Variants in PLEKHH2 observed in about 807,000 individuals in gnomAD.
The protein encoded by PLEKHH2 is pleckstrin homology, MyTH4 and FERM domain containing H2, also known as pleckstrin homology domain-containing family H member 2.
In PLEKHH2, 129 loss-of-function variants were observed where a neutral mutation model predicts 187.9. That is an observed-to-expected ratio of 0.69 (90% CI 0.59 to 0.79). The LOEUF (loss-of-function observed/expected upper bound fraction) is 0.79, where lower values mean the gene tolerates loss of function less well. Among genes scored for constraint, PLEKHH2 ranks in the 30% least tolerant of loss-of-function variants. The probability of loss-of-function intolerance (pLI) is 0.00; values close to 1 mark genes in which losing one functional copy is unlikely to be tolerated. For missense variants in PLEKHH2, 2,076 were observed against 1,751.2 expected, an observed-to-expected ratio of 1.19 and a Z score of -3.31; for synonymous variants, 686 against 605.6, an observed-to-expected ratio of 1.13 and a Z score of -1.95.
intron 15 of PLEKHH2, among the ~76,000 whole-genome samples, chr2:43,715,295 A>G (rs1670161571): frequency 6.6e-6 from 1 of 152,140 alleles, no homozygotes. Context: ...AAAAAAGAAA[A>G]AAAAAATCTC....
Position 43,743,996 on chromosome 2 carries a change from C to G in PLEKHH2, c.3555+7C>G. ...TCTTCAAGGAAACATCAAGGTGAAA[C>G]CAAGTCCTTTTCAGGAGCCAAGCCC... is the stretch of plus-strand genomic sequence containing the variant. On this transcript the variant is annotated splice_region_variant and intron_variant, in intron 23 of 29. Coordinates refer to ENST00000282406, the MANE Select transcript of PLEKHH2 (RefSeq NM_172069.4). 1.9e-6 allele frequency: 3 copies of G among 1,609,870 alleles called. No individual in the cohort carries two copies. Among genetic ancestry groups the G allele is most frequent in the South Asian group, 1.1e-5 (1 of 90,420 alleles).
intron 8 of PLEKHH2, among the ~76,000 whole-genome samples, chr2:43,703,574 T>C (rs1005065010): frequency 1.3e-5 from 2 of 152,206 alleles, no homozygotes; most frequent in South Asian, 2.1e-4. Context: ...TAATCAATGA[T>C]TGAGAATGGT....
Position 43,700,023 on chromosome 2 carries a change from G to C in PLEKHH2, c.1065G>C (p.Gln355His), listed in dbSNP as rs757015359. Residue 355 changes from glutamine (Q) to histidine (H), a missense_variant, in exon 8 of 30, where the codon CAG (glutamine) becomes CAC (histidine). Physicochemically the swap from Gln to His is conservative, Grantham distance 24 (BLOSUM62 0). Coordinates refer to ENST00000282406, the MANE Select transcript of PLEKHH2 (RefSeq NM_172069.4). ...RPEHKKLYSW[Q>H]QEAQWKALNS... ...AACACAAGAAGCTATATTCTTGGCA[G>C]CAGGAGGCACAGTGGAAAGCTCTAA... 5 of 1,614,056 alleles carry C rather than the reference G, an allele frequency of 3.1e-6. No individual in the cohort carries two copies. In the African/African-American group the frequency reaches 5.3e-5, roughly 17 times the overall value.
chr2:43,748,643 G>C (rs1401069672), intron 24 of PLEKHH2, among the ~76,000 whole-genome samples: 1 of 152,236 alleles, frequency 6.6e-6, no homozygotes, highest in Non-Finnish European at 1.5e-5. Context: ...GTTTTGAGAA[G>C]CACTGACCTA....
chr2:43,751,261 C>T (rs561192481), intron 24 of PLEKHH2, among the ~76,000 whole-genome samples: 33 of 152,300 alleles, frequency 2.2e-4, no homozygotes, highest in Non-Finnish European at 4.1e-4. Flanking sequence ...AGAGTGGTGA[C>T]TTCTGAGCAG....
intron 3 of PLEKHH2, chr2:43,681,019 C>T: frequency 7.9e-7 from 1 of 1,269,956 alleles, no homozygotes; most frequent in Non-Finnish European, 1.1e-6. Flanking sequence ...TCACCTGTTC[C>T]CTCAGAATGC....
chr2:43,710,407 TA>T, intron 13 of PLEKHH2, 77 bp downstream of exon 13: 1 of 1,580,228 alleles, frequency 6.3e-7, no homozygotes, highest in Non-Finnish European at 8.6e-7. Flanking sequence ...TTCCTTCCCA[TA>T]ATGCAAGTAA....
chr2:43,677,482 A>C (rs1179405556), intron 2 of PLEKHH2, among the ~76,000 whole-genome samples: 1 of 152,136 alleles, frequency 6.6e-6, no homozygotes, highest in Non-Finnish European at 1.5e-5. Flanking sequence ...CTGAGTGGAC[A>C]CAGCACATGT....
intron 2 of PLEKHH2, among the ~76,000 whole-genome samples, chr2:43,650,791 A>G (rs1666431157): frequency 1.3e-5 from 2 of 151,842 alleles, no homozygotes; most frequent in South Asian, 2.1e-4. Context: ...GACTACAGTC[A>G]TGCATCACCA....
intron 3 of PLEKHH2, chr2:43,681,571 T>G: frequency 9.6e-7 from 1 of 1,037,848 alleles, no homozygotes; most frequent in Non-Finnish European, 1.5e-6. Flanking sequence ...GGCCCGCACC[T>G]TCGGCACTCA....
At chr2:43,678,807 A>G in intron 2 of PLEKHH2, 56 bp from the exon 3 acceptor site, 1 of 1,362,854 alleles carries the variant, frequency 7.3e-7, no homozygotes, top group East Asian at 2.3e-5. Context: ...CCTTTTTCAG[A>G]AAGGCTCATT....
At chr2:43,753,497 TA>T in intron 24 of PLEKHH2, 121 bp from the exon 25 acceptor site, 1 of 692,314 alleles carries the variant, frequency 1.4e-6, no homozygotes, top group Non-Finnish European at 2.1e-6. Flanking sequence ...AGTAGTAGTC[TA>T]AGTTCATACC....
intron 8 of PLEKHH2, 137 bp downstream of exon 8, chr2:43,700,745 C>T (rs188092162): frequency 7.9e-6 from 9 of 1,139,312 alleles, no homozygotes; most frequent in African/African-American, 3.1e-5. Flanking sequence ...CTCCATCTCC[C>T]GGGTTCAAGT....
At chr2:43,688,318 T>C (rs529409861) in intron 3 of PLEKHH2, among the ~76,000 whole-genome samples, 72 of 152,306 alleles carry the variant, frequency 4.7e-4, no homozygotes, top group African/African-American at 1.7e-3. Context: ...AACAAGTAAA[T>C]TTTAAGTAAC....
chr2:43,753,790 T>C (rs1255441336), intron 25 of PLEKHH2, 30 bp downstream of exon 25: 3 of 1,448,286 alleles, frequency 2.1e-6, no homozygotes, highest in African/African-American at 1.5e-5. Context: ...GAGTAATATA[T>C]TGAAATAATA....
intron 16 of PLEKHH2, among the ~76,000 whole-genome samples, chr2:43,723,511 T>G (rs1327538080): frequency 6.6e-6 from 1 of 152,132 alleles, no homozygotes. Flanking sequence ...CAAGGGTTGT[T>G]TGTATAACTT....
intron 3 of PLEKHH2, among the ~76,000 whole-genome samples, chr2:43,683,774 C>A (rs1347636885): frequency 2.0e-5 from 3 of 146,840 alleles, no homozygotes; most frequent in Non-Finnish European, 4.5e-5. Flanking sequence ...CTAGTTATCT[C>A]TCTCTCTCTC....
chr2:43,759,708 A>G (rs1672351855), intron 27 of PLEKHH2, among the ~76,000 whole-genome samples: 1 of 152,182 alleles, frequency 6.6e-6, no homozygotes, highest in Non-Finnish European at 1.5e-5. Flanking sequence ...TCACTATTAA[A>G]TTGCATGCTC....
At position 43,726,362 on chromosome 2, in the gene PLEKHH2, C is replaced by T. The variant is rs201016145; in HGVS notation, c.2632C>T (p.Arg878Ter). Reference sequence around the variant, plus strand: ...AGATGAAGATTATGAAGCCAGTGGACGAAGTCTGTTATCCACACATTATAC... The same window carrying T: ...AGATGAAGATTATGAAGCCAGTGGATGAAGTCTGTTATCCACACATTATAC... ...DSDEDYEASG[R>*]SLLSTHYTIV... The change falls in exon 17 of 30, where the codon CGA (arginine) becomes TGA (stop). Residue 878 changes from arginine to a stop codon, truncating the protein, a stop_gained. Transcript: ENST00000282406. LOFTEE classifies it high-confidence loss of function. 16 of 1,610,154 alleles carry T rather than the reference C, an allele frequency of 9.9e-6. No individual in the cohort carries two copies. The highest frequency in any genetic ancestry group is 1.7e-4 in the Middle Eastern group (1 of 6,054).
Sources: allele counts gnomAD v4.1 joint callset (sites outside exome capture counted in the v4.1 genomes callset), GRCh38; gene constraint gnomAD v4.1.1; transcripts MANE v1.5; gene names NCBI Gene and HGNC (gene_info 2026-07-23, HGNC 2026-07-21).